DLGAP2: variants seen among roughly 807,000 people sequenced by gnomAD.
DLGAP2 encodes disks large-associated protein 2.
DLGAP2 carries 26 observed loss-of-function variants against 100.3 expected under a neutral mutation model. The ratio of observed to expected loss-of-function variants is 0.26; its 90% confidence interval spans 0.19 to 0.36. The LOEUF (loss-of-function observed/expected upper bound fraction) is 0.36. DLGAP2 is among the 10% of genes least tolerant of loss of function. The pLI is 1.00. For missense variants in DLGAP2, 1,858 were observed against 1,453.2 expected (o/e 1.28, Z -4.53); for synonymous variants, 886 against 630.1 (o/e 1.41, Z -6.08).
intron 12 of DLGAP2, among the ~76,000 whole-genome samples, chr8:1,686,360 C>T (rs1164749563): frequency 7.2e-5 from 11 of 152,174 alleles, no homozygotes; most frequent in South Asian, 6.2e-4. Flanking sequence ...ATAAACACTG[C>T]GTAATCTCAC....
intron 2 of DLGAP2, among the ~76,000 whole-genome samples, chr8:1,093,895 T>C (rs543345542): frequency 6.6e-6 from 1 of 152,150 alleles, no homozygotes; most frequent in South Asian, 2.1e-4. Context: ...AGCCGAGGGG[T>C]CTGTCTGCAT....
intron 3 of DLGAP2, among the ~76,000 whole-genome samples, chr8:1,416,208 A>G (rs1796878049): frequency 6.6e-6 from 1 of 152,168 alleles, no homozygotes; most frequent in Non-Finnish European, 1.5e-5. Flanking sequence ...ACCAGCGTCA[A>G]TACAGAGTGG....
chr8:1,425,495 G>T (rs1429447064), intron 3 of DLGAP2, among the ~76,000 whole-genome samples: 1 of 152,194 alleles, frequency 6.6e-6, no homozygotes, highest in African/African-American at 2.4e-5. Context: ...CTGTGCTTGG[G>T]TCTTCCCTGA....
intron 3 of DLGAP2, among the ~76,000 whole-genome samples, chr8:1,481,912 C>A (rs960474097): frequency 3.9e-5 from 6 of 152,212 alleles, no homozygotes; most frequent in Non-Finnish European, 8.8e-5. Flanking sequence ...AAGCTTCCAG[C>A]CCGACCCGAT....
Position 1,143,845 on chromosome 8 carries a change from C to T in DLGAP2, c.74-115006C>T, listed in dbSNP as rs116638391. On this transcript the variant is annotated intron_variant, in intron 2 of 14. Coordinates refer to ENST00000637795, the MANE Select transcript of DLGAP2 (RefSeq NM_001346810.2). Reference sequence around the variant, plus strand: ...GGACCCTCCTGACCTGCACCTGTGCCCCTCACTGAGGGTCTGTGCAGATGC... The same window carrying T: ...GGACCCTCCTGACCTGCACCTGTGCTCCTCACTGAGGGTCTGTGCAGATGC... Among the ~76,000 whole-genome samples, 388 of 152,330 alleles carry T rather than the reference C, an allele frequency of 2.5e-3. 1 individual carries two copies. The highest frequency in any genetic ancestry group is 9.1e-3 in the African/African-American group (378 of 41,558).
intron 3 of DLGAP2, among the ~76,000 whole-genome samples, chr8:1,480,159 C>G (rs1235763617): frequency 1.3e-5 from 2 of 152,234 alleles, no homozygotes; most frequent in Non-Finnish European, 2.9e-5. Context: ...TTAACCACCA[C>G]TGTACCGAAC....
intron 5 of DLGAP2, among the ~76,000 whole-genome samples, chr8:1,558,571 CACAT>C (rs1563220416): frequency 6.6e-6 from 1 of 151,956 alleles, no homozygotes; most frequent in Non-Finnish European, 1.5e-5. Context: ...CACATACACA[CACAT>C]ACACACATAG....
At position 1,331,678 on chromosome 8, in the gene DLGAP2, T is replaced by C. The variant is rs142728454; in HGVS notation, c.106+72795T>C. Among the ~76,000 whole-genome samples the C allele has an allele frequency of 9.8e-5, 15 of 152,332 alleles. No homozygotes were observed. The East Asian group carries it at 2.7e-3, about 27-fold the overall frequency. ...GGGTATACGACAAACGTGGTAAAAA[T>C]ATCCCGGATGTGAAAGATGACCCAC... is the stretch of plus-strand genomic sequence containing the variant. On this transcript the variant is annotated intron_variant, in intron 3 of 14. Transcript: ENST00000637795.
intron 2 of DLGAP2, among the ~76,000 whole-genome samples, chr8:1,164,682 C>G (rs1796980061): frequency 6.6e-6 from 1 of 152,198 alleles, no homozygotes; most frequent in Admixed American, 6.5e-5. Context: ...GCTGCATTCT[C>G]TGGATCTCCA....
chr8:1,191,586 A>G (rs1356281729), intron 2 of DLGAP2, among the ~76,000 whole-genome samples: 2 of 152,220 alleles, frequency 1.3e-5, no homozygotes, highest in Non-Finnish European at 2.9e-5. Flanking sequence ...TGCACTTCTT[A>G]CATAGAACAA....
At chr8:1,475,591 C>A (rs1308432482) in intron 3 of DLGAP2, among the ~76,000 whole-genome samples, 3 of 152,106 alleles carry the variant, frequency 2.0e-5, no homozygotes, top group African/African-American at 7.2e-5. Context: ...AGGTCACCAC[C>A]CTAAAGCCCT....
At chr8:1,445,337 G>C (rs974915199) in intron 3 of DLGAP2, among the ~76,000 whole-genome samples, 3 of 147,340 alleles carry the variant, frequency 2.0e-5, no homozygotes, top group African/African-American at 7.5e-5. Context: ...AGAACATGCA[G>C]TGTTTGGTTT....
At position 1,102,991 on chromosome 8, in the gene DLGAP2, G is replaced by A. The variant is rs1394322550; in HGVS notation, c.74-155860G>A. On this transcript the variant is annotated intron_variant, in intron 2 of 14. Transcript: ENST00000637795. Reference sequence around the variant, plus strand: ...GTCTTCATGAGATTCTGGGGTCTTCGTGAGTCTGTGGTTCCCTATGAGTCT... The same window carrying A: ...GTCTTCATGAGATTCTGGGGTCTTCATGAGTCTGTGGTTCCCTATGAGTCT... Among the ~76,000 whole-genome samples the A allele has an allele frequency of 4.0e-5, 6 of 151,294 alleles. 1 individual carries two copies. In the South Asian group the frequency reaches 6.4e-4, roughly 16 times the overall value.
chr8:1,173,492 C>T (rs944594598), intron 2 of DLGAP2, among the ~76,000 whole-genome samples: 1 of 152,330 alleles, frequency 6.6e-6, no homozygotes, highest in African/African-American at 2.4e-5. Flanking sequence ...AGAGGTGTAG[C>T]CTACAGAGGC....
chr8:766,980 G>A (rs955921164), intron 1 of DLGAP2, among the ~76,000 whole-genome samples: 1 of 152,138 alleles, frequency 6.6e-6, no homozygotes, highest in Non-Finnish European at 1.5e-5. Context: ...CTCCTCCTGC[G>A]GTGCACTGGC....
At chr8:1,518,154 G>C (rs1800459277) in intron 4 of DLGAP2, among the ~76,000 whole-genome samples, 1 of 152,228 alleles carries the variant, frequency 6.6e-6, no homozygotes, top group Non-Finnish European at 1.5e-5. Flanking sequence ...TTACGCTTCT[G>C]TGTTATGTGA....
chr8:1,551,253 G>T lies in DLGAP2; in HGVS notation c.1230+1570G>T, dbSNP rs1026375843. ...ATATCCAAATGTAAAAGTTGTGTCTGCTTGTTTAGAGAAGCCTGGTAGAAA... is the reference window on the plus strand; with the variant it reads ...ATATCCAAATGTAAAAGTTGTGTCTTCTTGTTTAGAGAAGCCTGGTAGAAA... On this transcript the variant is annotated intron_variant, in intron 5 of 14. Coordinates refer to ENST00000637795, the MANE Select transcript of DLGAP2 (RefSeq NM_001346810.2). Among the ~76,000 whole-genome samples, 4 of 152,358 alleles carry T rather than the reference G, an allele frequency of 2.6e-5. No individual in the cohort carries two copies. The East Asian group carries it at 7.7e-4, about 29-fold the overall frequency.
intron 4 of DLGAP2, among the ~76,000 whole-genome samples, chr8:1,518,216 C>A (rs993209848): frequency 3.9e-5 from 6 of 152,166 alleles, no homozygotes; most frequent in African/African-American, 1.2e-4. Flanking sequence ...AGTTTGCTAG[C>A]GTTCAGCCCT....
chr8:1,027,099 A>T (rs1490500124), intron 2 of DLGAP2, among the ~76,000 whole-genome samples: 3 of 152,180 alleles, frequency 2.0e-5, no homozygotes, highest in African/African-American at 7.2e-5. Context: ...GTATTTAGGG[A>T]AGGGTTTTTT....
Sources: gnomAD v4.1 joint callset for allele counts (sites outside exome capture counted in the v4.1 genomes callset) on GRCh38, gnomAD v4.1.1 for gene constraint, MANE v1.5 for transcripts, NCBI Gene and HGNC (gene_info 2026-07-23, HGNC 2026-07-21) for gene names.